Variants in RABGAP1L observed in about 807,000 individuals in gnomAD.
RABGAP1L encodes the protein rab GTPase-activating protein 1-like.
RABGAP1L carries 63 observed loss-of-function variants against 137.7 expected under a neutral mutation model. The ratio of observed to expected loss-of-function variants is 0.46; its 90% CI spans 0.37 to 0.56. The LOEUF is 0.56. Ranked by LOEUF, RABGAP1L falls within the 20% of genes least tolerant of loss-of-function variation. The pLI is 0.00. For synonymous variants in RABGAP1L, 431 were observed against 433.7 expected, an observed-to-expected ratio of 0.99 and a Z score of 0.08; for missense variants, 1,095 against 1,244.0, an observed-to-expected ratio of 0.88 and a Z score of 1.80.
intron 19 of RABGAP1L, among the ~76,000 whole-genome samples, chr1:174,869,731 G>T (rs534518731): frequency 6.6e-6 from 1 of 152,214 alleles, no homozygotes; most frequent in Admixed American, 6.5e-5. Context: ...TAAGAGACGG[G>T]ATCTTTGACT....
At chr1:174,588,054 C>T (rs555516640) in intron 13 of RABGAP1L, among the ~76,000 whole-genome samples, 5 of 152,000 alleles carry the variant, frequency 3.3e-5, no homozygotes, top group Non-Finnish European at 7.4e-5. Flanking sequence ...TTAGTAGGGA[C>T]AGATTTTTGC....
intron 13 of RABGAP1L, among the ~76,000 whole-genome samples, chr1:174,635,927 A>G (rs1371907121): frequency 1.3e-5 from 2 of 152,174 alleles, no homozygotes; most frequent in Non-Finnish European, 2.9e-5. Context: ...AATAACATAT[A>G]TTAAACTTTT....
intron 19 of RABGAP1L, 78 bp from the exon 20 acceptor site, chr1:174,957,379 T>G: frequency 8.6e-7 from 1 of 1,165,706 alleles, no homozygotes; most frequent in Non-Finnish European, 1.3e-6. Flanking sequence ...ATGCCAGAAA[T>G]TTAACTAGCA....
intron 13 of RABGAP1L, among the ~76,000 whole-genome samples, chr1:174,586,804 C>T (rs1047159622): frequency 1.3e-5 from 2 of 152,152 alleles, no homozygotes; most frequent in African/African-American, 4.8e-5. Flanking sequence ...CCGTGTTGGT[C>T]AGTCTGATCT....
chr1:174,390,711 A>G (rs1687154584), intron 12 of RABGAP1L, among the ~76,000 whole-genome samples: 1 of 152,146 alleles, frequency 6.6e-6, no homozygotes. Context: ...TTGAGAAAAT[A>G]AGATGTATTA....
At chr1:174,717,798 T>G (rs1681148519) in intron 17 of RABGAP1L, among the ~76,000 whole-genome samples, 1 of 152,228 alleles carries the variant, frequency 6.6e-6, no homozygotes, top group Admixed American at 6.5e-5. Context: ...GCTGGTTCTA[T>G]GAGAGTCTTT....
intron 13 of RABGAP1L, among the ~76,000 whole-genome samples, chr1:174,426,423 A>G (rs1651966737): frequency 1.3e-5 from 2 of 152,078 alleles, no homozygotes; most frequent in Admixed American, 1.3e-4. Flanking sequence ...ATATTAGATA[A>G]ATGGTTTCCT....
chr1:174,425,259 C>T (rs192627455), intron 13 of RABGAP1L, among the ~76,000 whole-genome samples: 156 of 152,058 alleles, frequency 1.0e-3, no homozygotes, highest in African/African-American at 3.4e-3. Flanking sequence ...ATAATATCTG[C>T]ACATCTTAAC....
intron 10 of RABGAP1L, among the ~76,000 whole-genome samples, chr1:174,301,733 T>G (rs1677726597): frequency 2.0e-5 from 3 of 152,072 alleles, no homozygotes; most frequent in Non-Finnish European, 4.4e-5. Flanking sequence ...GGGCTCAGAT[T>G]GGGGAGTGTA....
At chr1:174,925,890 T>TGGG (rs1553282909) in intron 19 of RABGAP1L, among the ~76,000 whole-genome samples, 1 of 88,726 alleles carries the variant, frequency 1.1e-5, no homozygotes, top group Non-Finnish European at 2.5e-5. Flanking sequence ...TTTTTTTGTG[T>TGGG]TTTTTTTTTT....
At chr1:174,955,305 A>G (rs1299318549) in intron 19 of RABGAP1L, among the ~76,000 whole-genome samples, 1 of 152,172 alleles carries the variant, frequency 6.6e-6, no homozygotes, top group East Asian at 1.9e-4. Flanking sequence ...ACTGGTTTCT[A>G]TCATCTATCA....
chr1:174,273,092 G>A (rs1251996652), intron 8 of RABGAP1L, among the ~76,000 whole-genome samples: 4 of 151,938 alleles, frequency 2.6e-5, no homozygotes, highest in South Asian at 2.1e-4. Flanking sequence ...ATTTGGAGAC[G>A]TTATAGGAAA....
chr1:174,547,029 C>CAAAAAAAAAAAAA (rs375413887), intron 13 of RABGAP1L, among the ~76,000 whole-genome samples: 1 of 78,248 alleles, frequency 1.3e-5, no homozygotes. Context: ...GACTCTGTCT[C>CAAAAAAAAAAAAA]AAAAAAAAAA....
At chr1:174,162,769 CTCTT>C (rs1664582891) in intron 1 of RABGAP1L, among the ~76,000 whole-genome samples, 4 of 45,312 alleles carry the variant, frequency 8.8e-5, no homozygotes, top group Non-Finnish European at 1.8e-4. Flanking sequence ...TTTTTTTTTT[CTCTT>C]TCTGTTTTTT....
intron 4 of RABGAP1L, among the ~76,000 whole-genome samples, chr1:174,232,566 G>A (rs1031706445): frequency 6.6e-6 from 1 of 151,608 alleles, no homozygotes; most frequent in East Asian, 1.9e-4. Flanking sequence ...GGTGGATCAC[G>A]AGGTCAGGAG....
chr1:174,753,611 A>G (rs1001703482), intron 18 of RABGAP1L, among the ~76,000 whole-genome samples: 4 of 152,250 alleles, frequency 2.6e-5, no homozygotes, highest in East Asian at 3.8e-4. Context: ...TAACACAAAC[A>G]TATTTGCTGT....
At chr1:174,323,928 A>C (rs181948926) in intron 11 of RABGAP1L, among the ~76,000 whole-genome samples, 2 of 152,284 alleles carry the variant, frequency 1.3e-5, no homozygotes, top group Admixed American at 1.3e-4. Context: ...AAGAAATCTG[A>C]AAGTTGTGTG....
At chr1:174,314,568 C>T (rs952687865) in intron 11 of RABGAP1L, among the ~76,000 whole-genome samples, 2 of 152,030 alleles carry the variant, frequency 1.3e-5, no homozygotes, top group Non-Finnish European at 2.9e-5. Context: ...CTGCTTTTCT[C>T]ATTTTTTTAA....
chr1:174,316,845 C>T (rs964599679), intron 11 of RABGAP1L, among the ~76,000 whole-genome samples: 1 of 152,150 alleles, frequency 6.6e-6, no homozygotes, highest in Non-Finnish European at 1.5e-5. Context: ...CCTGAGCTGG[C>T]AGTTGAACCA....
Sources: allele counts gnomAD v4.1 joint callset (sites outside exome capture counted in the v4.1 genomes callset), GRCh38; gene constraint gnomAD v4.1.1; transcripts MANE v1.5; gene names NCBI Gene and HGNC (gene_info 2026-07-23, HGNC 2026-07-21).